The following CERS6 variants were observed in gnomAD, a reference collection of about 807,000 sequenced individuals.
CERS6 encodes ceramide synthase 6.
In CERS6, 26 loss-of-function variants were observed where a neutral mutation model predicts 56.8. The ratio of observed to expected loss-of-function variants is 0.46; its 90% confidence interval spans 0.34 to 0.63. CERS6 has a LOEUF of 0.63. Among genes scored for constraint, CERS6 ranks in the 30% least tolerant of loss-of-function variants. The pLI is 0.01. For missense variants in CERS6, 415 were observed against 467.5 expected, an observed-to-expected ratio of 0.89 and a Z score of 1.04; for synonymous variants, 164 against 173.3, an observed-to-expected ratio of 0.95 and a Z score of 0.42.
At chr2:168,549,276 G>T (rs1456645686) in intron 2 of CERS6, among the ~76,000 whole-genome samples, 3 of 151,950 alleles carry the variant, frequency 2.0e-5, no homozygotes, top group Non-Finnish European at 4.4e-5. Flanking sequence ...GTTTTTTACA[G>T]TTACTGGAGA....
chr2:168,648,712 G>A (rs1436927619), intron 4 of CERS6, among the ~76,000 whole-genome samples: 1 of 152,052 alleles, frequency 6.6e-6, no homozygotes, highest in Non-Finnish European at 1.5e-5. Context: ...CAGAGATTCT[G>A]GTATGTTTTA....
At chr2:168,607,458 T>C (rs1684079822) in intron 3 of CERS6, among the ~76,000 whole-genome samples, 1 of 152,206 alleles carries the variant, frequency 6.6e-6, no homozygotes. Flanking sequence ...CTCAGCTCAC[T>C]GCAACCTCCA....
intron 1 of CERS6, among the ~76,000 whole-genome samples, chr2:168,463,441 TAA>T (rs1693812567): frequency 6.6e-6 from 1 of 152,356 alleles, no homozygotes; most frequent in Non-Finnish European, 1.5e-5. Flanking sequence ...CCAGTTTATA[TAA>T]GTCTTTTAAT....
chr2:168,460,525 T>G (rs537823253), intron 1 of CERS6, among the ~76,000 whole-genome samples: 15 of 152,242 alleles, frequency 9.9e-5, no homozygotes, highest in Middle Eastern at 3.4e-3. Context: ...ACAGAAATAT[T>G]GTAGTCAATG....
At chr2:168,678,193 G>A (rs1411935529) in intron 4 of CERS6, among the ~76,000 whole-genome samples, 2 of 152,172 alleles carry the variant, frequency 1.3e-5, no homozygotes, top group South Asian at 2.1e-4. Context: ...AAAGGCAAAC[G>A]TCTTACTATT....
chr2:168,534,401 G>A (rs1281386592), intron 1 of CERS6, among the ~76,000 whole-genome samples: 8 of 130,488 alleles, frequency 6.1e-5, no homozygotes, highest in African/African-American at 1.8e-4. Flanking sequence ...TGCGGTTTTT[G>A]TGGGGCTTTT....
At chr2:168,605,159 C>T (rs542393911) in intron 3 of CERS6, among the ~76,000 whole-genome samples, 13 of 152,114 alleles carry the variant, frequency 8.5e-5, no homozygotes, top group South Asian at 2.1e-4. Context: ...AAGTCTCAGA[C>T]GGATATGAGG....
chr2:168,738,674 G>T (rs1391473120), intron 8 of CERS6, among the ~76,000 whole-genome samples: 1 of 152,092 alleles, frequency 6.6e-6, no homozygotes. Flanking sequence ...GTTGGTCAAA[G>T]AAAATGTCAT....
chr2:168,767,234 G>A (rs894753114), intron 9 of CERS6, among the ~76,000 whole-genome samples: 8 of 152,058 alleles, frequency 5.3e-5, no homozygotes, highest in Non-Finnish European at 7.4e-5. Context: ...CTGCCCTTGC[G>A]GCTCTCACCT....
chr2:168,617,312 C>A (rs189077209), intron 3 of CERS6, among the ~76,000 whole-genome samples: 1 of 152,180 alleles, frequency 6.6e-6, no homozygotes, highest in African/African-American at 2.4e-5. Context: ...TCTGAGATCA[C>A]ACTTCAAGGA....
chr2:168,728,982 C>G (rs994769976), intron 8 of CERS6, among the ~76,000 whole-genome samples: 5 of 148,008 alleles, frequency 3.4e-5, no homozygotes, highest in African/African-American at 1.3e-4. Context: ...TGCACTCCAG[C>G]CTGGCCGACA....
At chr2:168,667,187 T>C (rs60921632) in intron 4 of CERS6, among the ~76,000 whole-genome samples, 1 of 152,200 alleles carries the variant, frequency 6.6e-6, no homozygotes, top group East Asian at 1.9e-4. Flanking sequence ...CAGGTGGATG[T>C]TCCATGCTGT....
chr2:168,667,614 AT>A (rs751547080), intron 4 of CERS6, among the ~76,000 whole-genome samples: 8 of 151,854 alleles, frequency 5.3e-5, no homozygotes, highest in South Asian at 2.1e-4. Flanking sequence ...TCTCTAATGG[AT>A]GACACTACTG....
chr2:168,514,393 A>G (rs1240761519), intron 1 of CERS6, among the ~76,000 whole-genome samples: 2 of 152,214 alleles, frequency 1.3e-5, no homozygotes, highest in Non-Finnish European at 2.9e-5. Flanking sequence ...CCAACCATCT[A>G]TAATAGCCAT....
At chr2:168,640,477 A>G (rs542059685) in intron 4 of CERS6, among the ~76,000 whole-genome samples, 2 of 152,322 alleles carry the variant, frequency 1.3e-5, no homozygotes, top group East Asian at 1.9e-4. Context: ...CACCCATCCT[A>G]TGACAGCAGT....
intron 6 of CERS6, among the ~76,000 whole-genome samples, chr2:168,701,158 A>G (rs1198441729): frequency 6.6e-6 from 1 of 152,220 alleles, no homozygotes; most frequent in Non-Finnish European, 1.5e-5. Flanking sequence ...GCCCCCAACC[A>G]ATGATAACAT....
Position 168,631,049 on chromosome 2 carries a change from T to A in CERS6, c.465+7T>A. On this transcript the variant is annotated splice_region_variant and intron_variant, in intron 4 of 9. Transcript: ENST00000305747. ...AGTCAGATTCCTGAAAAAGGTAGGA[T>A]CTCTCAAACTATTTTACATGATTCT... 7.0e-7 allele frequency: 1 copy of A among 1,437,462 alleles called. No homozygotes were observed. Among genetic ancestry groups the A allele is most frequent in the Non-Finnish European group, 9.6e-7 (1 of 1,041,004 alleles). 89.0% of individuals were successfully genotyped at this position (1,437,462 alleles called of 1,614,324 possible).
rs573823718 is a variant in CERS6, at chr2:168,533,870, C to T, written c.171-13726C>T. Among the ~76,000 whole-genome samples the T allele has an allele frequency of 4.6e-5, 7 of 152,064 alleles. 1 individual carries two copies. Among genetic ancestry groups the T allele is most frequent in the East Asian group, 1.9e-4 (1 of 5,178 alleles). ...TAGGTACTCCAGTCAATCATTGGTTCGGTCTTTTTACGAGATCCCATATTT... is the reference window on the plus strand; with the variant it reads ...TAGGTACTCCAGTCAATCATTGGTTTGGTCTTTTTACGAGATCCCATATTT... On this transcript the variant is annotated intron_variant, in intron 1 of 9. Coordinates refer to ENST00000305747, the MANE Select transcript of CERS6 (RefSeq NM_203463.3).
intron 3 of CERS6, among the ~76,000 whole-genome samples, chr2:168,592,537 A>G (rs531473528): frequency 3.6e-4 from 55 of 152,248 alleles, no homozygotes; most frequent in African/African-American, 1.2e-3. Flanking sequence ...AGCATGCAGC[A>G]TGGGGTGGAG....
Sources: allele counts gnomAD v4.1 joint callset (sites outside exome capture counted in the v4.1 genomes callset), GRCh38; gene constraint gnomAD v4.1.1; transcripts MANE v1.5; gene names NCBI Gene and HGNC (gene_info 2026-07-23, HGNC 2026-07-21).